The following EYS variants were observed in gnomAD, a reference collection of about 807,000 sequenced individuals.
EYS encodes protein eyes shut homolog.
Under a neutral mutation model 282.1 loss-of-function variants are expected in EYS, and 250 were observed. That is an observed-to-expected ratio of 0.89 (90% CI 0.80 to 0.98). EYS has a LOEUF of 0.98. Among genes scored for constraint, EYS ranks in the 50% least tolerant of loss-of-function variants. The probability of loss-of-function intolerance (pLI) is 0.00; values close to 1 mark genes in which losing one functional copy is unlikely to be tolerated. For synonymous variants in EYS, 1,355 were observed against 1,282.9 expected (o/e 1.06, Z -1.20); for missense variants, 4,016 against 3,709.0 (o/e 1.08, Z -2.15).
intron 2 of EYS, among the ~76,000 whole-genome samples, chr6:65,634,447 C>T (rs1279627541): frequency 6.6e-6 from 1 of 152,140 alleles, no homozygotes; most frequent in African/African-American, 2.4e-5. Flanking sequence ...TAGGATTCAG[C>T]ATTTTACTCC....
intron 14 of EYS, among the ~76,000 whole-genome samples, chr6:64,952,800 C>A (rs1769558395): frequency 6.6e-6 from 1 of 151,882 alleles, no homozygotes; most frequent in South Asian, 2.1e-4. Flanking sequence ...TTAAAAATAT[C>A]TTAATTATAT....
chr6:65,406,649 T>C (rs1766752194), intron 5 of EYS, among the ~76,000 whole-genome samples: 1 of 152,138 alleles, frequency 6.6e-6, no homozygotes, highest in African/African-American at 2.4e-5. Flanking sequence ...ACAATTGTTA[T>C]GACACTTTTT....
At chr6:65,398,217 T>G (rs980535885) in intron 7 of EYS, among the ~76,000 whole-genome samples, 1 of 152,050 alleles carries the variant, frequency 6.6e-6, no homozygotes, top group Non-Finnish European at 1.5e-5. Context: ...GTCTGTTTAC[T>G]CTGGTGACTT....
At chr6:64,022,442 G>A (rs1218178768) in intron 33 of EYS, among the ~76,000 whole-genome samples, 3 of 152,004 alleles carry the variant, frequency 2.0e-5, no homozygotes, top group African/African-American at 7.3e-5. Flanking sequence ...CAATTATTGT[G>A]TACAATTCAT....
intron 13 of EYS, among the ~76,000 whole-genome samples, chr6:65,011,657 G>C (rs1201155068): frequency 6.6e-6 from 1 of 152,180 alleles, no homozygotes; most frequent in African/African-American, 2.4e-5. Context: ...GACAGAACTA[G>C]CTGGATTTCC....
At chr6:64,934,267 G>GA (rs879919167) in intron 15 of EYS, among the ~76,000 whole-genome samples, 36 of 151,310 alleles carry the variant, frequency 2.4e-4, no homozygotes, top group African/African-American at 8.2e-4. Flanking sequence ...AGGATCATCA[G>GA]AAAAAAAATA....
At chr6:64,006,877 C>T (rs1768373723) in intron 33 of EYS, among the ~76,000 whole-genome samples, 1 of 152,082 alleles carries the variant, frequency 6.6e-6, no homozygotes, top group African/African-American at 2.4e-5. Flanking sequence ...TTGTGATGTG[C>T]TGCTGGATTT....
intron 39 of EYS, among the ~76,000 whole-genome samples, chr6:63,784,333 T>C (rs1770311289): frequency 6.6e-6 from 1 of 152,206 alleles, no homozygotes; most frequent in Admixed American, 6.5e-5. Context: ...CTAATACAGA[T>C]AGATTTTATT....
At position 65,553,548 on chromosome 6, in the gene EYS, GA is replaced by G. The variant is rs962181101; in HGVS notation, c.-332-57556del. ...CTATTGAGGGAAATCATATTAATAG[GA>G]AAAAAAAGTTTACCTATGAGACTTT... is the stretch of plus-strand genomic sequence containing the variant. On this transcript the variant is annotated intron_variant, in intron 2 of 42. Transcript: ENST00000503581. 9.5e-4 allele frequency among the ~76,000 whole-genome samples: 144 copies of G among 151,602 alleles called. 2 individuals carry two copies. The highest frequency in any genetic ancestry group is 3.1e-3 in the African/African-American group (130 of 41,386).
intron 30 of EYS, among the ~76,000 whole-genome samples, chr6:64,258,493 C>A (rs1259102089): frequency 5.3e-5 from 8 of 151,918 alleles, no homozygotes; most frequent in Non-Finnish European, 1.2e-4. Flanking sequence ...GGGTAAATGA[C>A]AACAAACAAA....
intron 30 of EYS, among the ~76,000 whole-genome samples, chr6:64,275,186 T>G (rs1235344602): frequency 6.6e-6 from 1 of 152,214 alleles, no homozygotes; most frequent in Non-Finnish European, 1.5e-5. Flanking sequence ...CTCTTTTGGT[T>G]TAGTCCAAAT....
At chr6:65,301,888 G>A (rs1392110879) in intron 11 of EYS, among the ~76,000 whole-genome samples, 13 of 152,254 alleles carry the variant, frequency 8.5e-5, no homozygotes, top group African/African-American at 9.6e-5. Context: ...ACTAGAGATA[G>A]TGATGCTTTT....
At chr6:65,603,492 T>C (rs1380753249) in intron 2 of EYS, among the ~76,000 whole-genome samples, 1 of 151,982 alleles carries the variant, frequency 6.6e-6, no homozygotes, top group Non-Finnish European at 1.5e-5. Context: ...GATAGTTTTA[T>C]AATTCCATCT....
intron 12 of EYS, among the ~76,000 whole-genome samples, chr6:65,060,232 T>A (rs992608446): frequency 2.4e-5 from 2 of 83,790 alleles, no homozygotes; most frequent in African/African-American, 1.0e-4. Context: ...AAGGAAGACT[T>A]TTTTTTTTTT....
At chr6:65,630,607 C>A (rs1197835231) in intron 2 of EYS, among the ~76,000 whole-genome samples, 1 of 152,190 alleles carries the variant, frequency 6.6e-6, no homozygotes, top group African/African-American at 2.4e-5. Flanking sequence ...TTTGACAGAA[C>A]TTCTAAATCA....
chr6:64,499,555 T>A (rs1373356222), intron 26 of EYS, among the ~76,000 whole-genome samples: 3 of 152,154 alleles, frequency 2.0e-5, no homozygotes, highest in African/African-American at 7.2e-5. Context: ...TTTTAGTGTG[T>A]CCTGGCTTAA....
chr6:65,588,033 A>C (rs1030465077), intron 2 of EYS, among the ~76,000 whole-genome samples: 2 of 152,092 alleles, frequency 1.3e-5, no homozygotes, highest in African/African-American at 4.8e-5. Flanking sequence ...AAGATTGAGG[A>C]AATAGTATTA....
intron 2 of EYS, among the ~76,000 whole-genome samples, chr6:65,569,828 G>A (rs1187082534): frequency 1.3e-5 from 2 of 152,156 alleles, no homozygotes; most frequent in Non-Finnish European, 2.9e-5. Context: ...AATTGGGGGT[G>A]AGACTAATTT....
intron 29 of EYS, among the ~76,000 whole-genome samples, chr6:64,341,685 TA>T (rs1183839592): frequency 6.6e-6 from 1 of 151,644 alleles, no homozygotes; most frequent in Non-Finnish European, 1.5e-5. Context: ...TGAAATTTTT[TA>T]AAAAATGACT....
Sources: allele counts gnomAD v4.1 joint callset (sites outside exome capture counted in the v4.1 genomes callset), GRCh38; gene constraint gnomAD v4.1.1; transcripts MANE v1.5; gene names NCBI Gene and HGNC (gene_info 2026-07-23, HGNC 2026-07-21).